The following DLGAP4 variants were observed in gnomAD, a reference collection of about 807,000 sequenced individuals.
The protein encoded by DLGAP4 is DLG associated protein 4.
In DLGAP4, 18 loss-of-function variants were observed where a neutral mutation model predicts 86.9. That is an observed-to-expected ratio of 0.21 (90% confidence interval 0.14 to 0.31). The LOEUF is 0.31. DLGAP4 is among the 10% of genes least tolerant of loss of function. The probability of loss-of-function intolerance (pLI) is 1.00; values close to 1 mark genes in which losing one functional copy is unlikely to be tolerated. For missense variants in DLGAP4, 1,085 were observed against 1,362.6 expected (o/e 0.80, Z 3.21); for synonymous variants, 548 against 574.3 (o/e 0.95, Z 0.65).
At chr20:36,351,345 G>A (rs971677650) in intron 1 of DLGAP4, among the ~76,000 whole-genome samples, 11 of 152,144 alleles carry the variant, frequency 7.2e-5, no homozygotes, top group South Asian at 2.1e-4. Context: ...AGTGAGTGGC[G>A]GGCCTGTTAG....
rs537325068 is a variant in DLGAP4 at position 36,484,241 on chromosome 20, T to C, written c.1649-12464T>C. ...AAGTGCTTCATGCTAGGCCAGTTCA[T>C]GTCCAGCCCTCTGTCAGTGGGAGAT... On this transcript the variant is annotated intron_variant, in intron 7 of 12. Coordinates refer to ENST00000339266, the MANE Select transcript of DLGAP4 (RefSeq NM_001365621.2). Among the ~76,000 whole-genome samples the C allele has an allele frequency of 7.2e-4, 109 of 152,346 alleles. 1 individual carries two copies. Among genetic ancestry groups the C allele is most frequent in the South Asian group, 1.9e-3 (9 of 4,826 alleles).
At chr20:36,509,529 C>T (rs1204976025) in intron 10 of DLGAP4, among the ~76,000 whole-genome samples, 2 of 152,088 alleles carry the variant, frequency 1.3e-5, no homozygotes, top group African/African-American at 4.8e-5. Context: ...CGAGATCACA[C>T]CACTGTACTC....
chr20:36,528,142 T>C lies in DLGAP4; in HGVS notation c.*1111T>C, dbSNP rs1451923460. 4 of 152,272 alleles carry C rather than the reference T, an allele frequency of 2.6e-5. No individual in the cohort carries two copies. The highest frequency in any genetic ancestry group is 4.4e-5 in the Non-Finnish European group (3 of 67,960). 9.4% of individuals were successfully genotyped at this position (152,272 alleles called of 1,614,324 possible). On this transcript the variant is annotated 3_prime_UTR_variant, in exon 13 of 13. Transcript: ENST00000339266. Reference sequence around the variant, plus strand: ...ACCTTGTGTGTAAGCAGCCCTTTTTTTTTTTGGTCTCCACCCCCCTCCCCC... The same window carrying C: ...ACCTTGTGTGTAAGCAGCCCTTTTTCTTTTTGGTCTCCACCCCCCTCCCCC...
chr20:36,509,809 C>G (rs890258295), intron 10 of DLGAP4, among the ~76,000 whole-genome samples: 47 of 151,912 alleles, frequency 3.1e-4, no homozygotes, highest in African/African-American at 9.9e-4. Context: ...TGGATAGTTA[C>G]ACTGTGCCTA....
At chr20:36,335,228 A>G (rs898868968) in intron 1 of DLGAP4, among the ~76,000 whole-genome samples, 1 of 152,164 alleles carries the variant, frequency 6.6e-6, no homozygotes, top group Non-Finnish European at 1.5e-5. Flanking sequence ...GCCAGGCCTC[A>G]GTTCTCTGCC....
At chr20:36,457,782 T>C (rs561315672) in intron 7 of DLGAP4, among the ~76,000 whole-genome samples, 8 of 151,690 alleles carry the variant, frequency 5.3e-5, no homozygotes, top group African/African-American at 1.7e-4. Context: ...CCCAAAGTGC[T>C]GAGATTACAG....
intron 2 of DLGAP4, among the ~76,000 whole-genome samples, chr20:36,380,615 G>A (rs1170569340): frequency 7.4e-5 from 1 of 13,572 alleles, no homozygotes; most frequent in East Asian, 1.2e-3. Flanking sequence ...GAGAGAGAGA[G>A]AGAGAGAGAG....
chr20:36,435,562 G>A (rs2033251019), intron 3 of DLGAP4, among the ~76,000 whole-genome samples: 1 of 152,216 alleles, frequency 6.6e-6, no homozygotes, highest in Non-Finnish European at 1.5e-5. Flanking sequence ...CTGACCCGGG[G>A]AAGCACCTCT....
intron 2 of DLGAP4, among the ~76,000 whole-genome samples, chr20:36,370,787 C>A (rs1311750495): frequency 6.6e-6 from 1 of 152,166 alleles, no homozygotes; most frequent in Non-Finnish European, 1.5e-5. Context: ...GCCACTGTAC[C>A]TTAACCTGGG....
chr20:36,494,060 A>G (rs540913811), intron 7 of DLGAP4, among the ~76,000 whole-genome samples: 39 of 152,168 alleles, frequency 2.6e-4, no homozygotes, highest in Non-Finnish European at 4.9e-4. Context: ...CTTCTGGCCC[A>G]GAGAGGTAGC....
At chr20:36,380,083 T>G (rs763654382) in intron 2 of DLGAP4, among the ~76,000 whole-genome samples, 2 of 151,936 alleles carry the variant, frequency 1.3e-5, no homozygotes, top group Non-Finnish European at 2.9e-5. Flanking sequence ...CTCAGGGGAC[T>G]GTGGTGTGAG....
intron 3 of DLGAP4, among the ~76,000 whole-genome samples, chr20:36,433,272 A>G (rs2033176645): frequency 6.6e-6 from 1 of 152,270 alleles, no homozygotes; most frequent in African/African-American, 2.4e-5. Context: ...CGGTCATGTC[A>G]GTGTCGGCAG....
chr20:36,312,141 G>A (rs1414158623), intron 1 of DLGAP4, among the ~76,000 whole-genome samples: 1 of 152,184 alleles, frequency 6.6e-6, no homozygotes, highest in East Asian at 1.9e-4. Context: ...CATCAGAGGA[G>A]AACTGTGGCC....
At chr20:36,368,705 C>T (rs1208994265) in intron 2 of DLGAP4, among the ~76,000 whole-genome samples, 2 of 152,236 alleles carry the variant, frequency 1.3e-5, no homozygotes, top group Non-Finnish European at 2.9e-5. Context: ...CCTTATTGTG[C>T]TCAAGGAATG....
intron 1 of DLGAP4, among the ~76,000 whole-genome samples, chr20:36,348,795 A>G (rs2030030959): frequency 6.6e-6 from 1 of 152,030 alleles, no homozygotes; most frequent in Non-Finnish European, 1.5e-5. Context: ...TGATTTTAAA[A>G]ATCAGGAATA....
chr20:36,513,219 CAGTTCTG>C (rs1332178763), intron 10 of DLGAP4, among the ~76,000 whole-genome samples: 4 of 151,778 alleles, frequency 2.6e-5, no homozygotes, highest in Non-Finnish European at 5.9e-5. Context: ...AAGAGCTCAT[CAGTTCTG>C]AGTGCTGCAA....
At position 36,432,693 on chromosome 20, in the gene DLGAP4, G is replaced by A. The variant is rs375176934; in HGVS notation, c.976G>A (p.Gly326Ser). The change falls in exon 3 of 13, where the codon GGT (glycine) becomes AGT (serine). Residue 326 changes from glycine to serine, a missense_variant. Physicochemically the swap from Gly to Ser is moderately conservative, Grantham distance 56 (BLOSUM62 0). Around this residue, in one of 2 missense-constraint regions of DLGAP4, gnomAD observed 1,082 missense variants for 1,344.1 expected, o/e 0.81. Transcript: ENST00000339266. This position sits in a 1 kb window ranked among gnomAD's most constrained non-coding sequence, Gnocchi z 6.5. ...SLLKSKSCHQ[G>S]LAYHYLQVPG... is the part of the protein sequence containing the mutation. Reference sequence around the variant, plus strand: ...GCTCAAGTCCAAATCCTGCCACCAGGGTCTAGCCTACCATTACCTGCAGGT... The same window carrying A: ...GCTCAAGTCCAAATCCTGCCACCAGAGTCTAGCCTACCATTACCTGCAGGT... 6.2e-7 allele frequency: 1 copy of A among 1,613,156 alleles called. No homozygotes were observed. Among genetic ancestry groups the A allele is most frequent in the African/African-American group, 1.3e-5 (1 of 74,904 alleles).
chr20:36,394,500 T>C (rs1461094787), intron 2 of DLGAP4, among the ~76,000 whole-genome samples: 1 of 152,094 alleles, frequency 6.6e-6, no homozygotes, highest in African/African-American at 2.4e-5. Flanking sequence ...ATGACGTCAG[T>C]CATTAAGTGG....
chr20:36,356,924 T>C (rs998331867), intron 1 of DLGAP4, among the ~76,000 whole-genome samples: 2 of 152,102 alleles, frequency 1.3e-5, no homozygotes, highest in African/African-American at 4.8e-5. Context: ...CCAAATTGGA[T>C]TGATTTTTTA....
Sources: gnomAD v4.1 joint callset for allele counts (sites outside exome capture counted in the v4.1 genomes callset) on GRCh38, gnomAD v4.1.1 for gene constraint, gnomAD v4.1.1 regional missense constraint, Gnocchi (gnomAD v3.1) non-coding constraint, MANE v1.5 for transcripts, NCBI Gene and HGNC (gene_info 2026-07-23, HGNC 2026-07-21) for gene names.